STPG2: variants seen among roughly 807,000 people sequenced by gnomAD.
The protein encoded by STPG2 is sperm tail PG-rich repeat containing 2.
Under a neutral mutation model 54.2 loss-of-function variants are expected in STPG2, and 56 were observed. The observed-to-expected ratio is 1.03, with a 90% CI of 0.83 to 1.29. The LOEUF (loss-of-function observed/expected upper bound fraction) is 1.29, where lower values mean the gene tolerates loss of function less well. Among genes scored for constraint, STPG2 ranks in the 50% most tolerant of loss-of-function variants. The probability of loss-of-function intolerance (pLI) is 0.00; values close to 1 mark genes in which losing one functional copy is unlikely to be tolerated. For synonymous variants in STPG2, 200 were observed against 181.8 expected (o/e 1.10, Z -0.81); for missense variants, 596 against 544.9 (o/e 1.09, Z -0.93).
intron 9 of STPG2, among the ~76,000 whole-genome samples, chr4:97,722,095 G>GA (rs1205518616): frequency 1.6e-3 from 223 of 137,074 alleles, no homozygotes; most frequent in Non-Finnish European, 2.3e-3. Flanking sequence ...TCCAGGAGGG[G>GA]AAAAAAAAAA....
intron 4 of STPG2, among the ~76,000 whole-genome samples, chr4:97,445,706 T>C (rs1729204640): frequency 6.6e-6 from 1 of 152,218 alleles, no homozygotes; most frequent in African/African-American, 2.4e-5. Context: ...ATGGCATGAA[T>C]AAACTGATGG....
chr4:97,858,767 C>T (rs931956031), intron 8 of STPG2, among the ~76,000 whole-genome samples: 3 of 152,042 alleles, frequency 2.0e-5, no homozygotes, highest in Admixed American at 6.6e-5. Context: ...CCATGGTGTA[C>T]GTATACCACA....
chr4:97,875,912 G>C (rs1164989182), intron 8 of STPG2, among the ~76,000 whole-genome samples: 1 of 151,804 alleles, frequency 6.6e-6, no homozygotes, highest in Non-Finnish European at 1.5e-5. Flanking sequence ...ATATTAGAAA[G>C]AGAGTTACCA....
At chr4:98,108,690 C>A (rs1403633064) in intron 4 of STPG2, among the ~76,000 whole-genome samples, 1 of 152,126 alleles carries the variant, frequency 6.6e-6, no homozygotes, top group Non-Finnish European at 1.5e-5. Context: ...TTCAATTTAA[C>A]TTTAGCTCTG....
At chr4:97,672,554 A>G (rs1282054070) in intron 10 of STPG2, among the ~76,000 whole-genome samples, 3 of 152,178 alleles carry the variant, frequency 2.0e-5, no homozygotes, top group Non-Finnish European at 4.4e-5. Context: ...AATGCAAGCT[A>G]TTTATTAACA....
intron 7 of STPG2, among the ~76,000 whole-genome samples, chr4:97,944,959 A>G (rs1402256235): frequency 2.6e-5 from 4 of 152,224 alleles, no homozygotes; most frequent in African/African-American, 9.6e-5. Context: ...CACATCTTTT[A>G]AAAATGTGAA....
intron 4 of STPG2, among the ~76,000 whole-genome samples, chr4:97,442,270 C>T (rs1729107178): frequency 1.3e-5 from 2 of 151,194 alleles, no homozygotes; most frequent in African/African-American, 4.9e-5. Context: ...CATTTTCAAT[C>T]ATCCAATACT....
chr4:97,853,971 T>G (rs1729250175), intron 8 of STPG2, among the ~76,000 whole-genome samples: 1 of 151,880 alleles, frequency 6.6e-6, no homozygotes, highest in Non-Finnish European at 1.5e-5. Flanking sequence ...TGTGGGGAGT[T>G]TTGTGTGTTT....
chr4:97,565,607 T>G (rs1732408661), intron 10 of STPG2, among the ~76,000 whole-genome samples: 1 of 152,168 alleles, frequency 6.6e-6, no homozygotes, highest in Non-Finnish European at 1.5e-5. Flanking sequence ...ACAGATGGGT[T>G]TTTGGTGTGG....
chr4:97,571,010 C>T (rs1190148512), intron 10 of STPG2, among the ~76,000 whole-genome samples: 1 of 152,032 alleles, frequency 6.6e-6, no homozygotes, highest in Non-Finnish European at 1.5e-5. Flanking sequence ...AAACTTTCTA[C>T]TTTTGTTGCC....
In STPG2 at chr4:97,766,450, A is replaced by T. The variant is rs1274493332; in HGVS notation, c.1205-53636T>A. Reference sequence around the variant, plus strand: ...CCAAACATTATTCAAAAATAAAAATACTAATGAGTACACAAAGATTTATGA... The same window carrying T: ...CCAAACATTATTCAAAAATAAAAATTCTAATGAGTACACAAAGATTTATGA... On this transcript the variant is annotated intron_variant, in intron 9 of 10. Transcript: ENST00000295268. 2.0e-5 allele frequency among the ~76,000 whole-genome samples: 3 copies of T among 152,136 alleles called. No individual in the cohort carries two copies. The East Asian group carries it at 5.8e-4, about 29-fold the overall frequency.
chr4:98,071,153 C>G (rs1429137186), intron 5 of STPG2, among the ~76,000 whole-genome samples: 1 of 152,000 alleles, frequency 6.6e-6, no homozygotes, highest in Non-Finnish European at 1.5e-5. Context: ...ATCATGCTAC[C>G]CGACTTCAAA....
chr4:98,072,130 T>A (rs982494030), intron 5 of STPG2, among the ~76,000 whole-genome samples: 2 of 152,228 alleles, frequency 1.3e-5, no homozygotes, highest in East Asian at 1.9e-4. Context: ...GCAGCACTAT[T>A]CACAATAGCA....
chr4:97,725,932 A>C (rs1257738431), intron 9 of STPG2, among the ~76,000 whole-genome samples: 4 of 151,996 alleles, frequency 2.6e-5, no homozygotes, highest in Non-Finnish European at 5.9e-5. Context: ...AAAGGAAAAA[A>C]AAATCAAAAT....
chr4:98,135,512 C>T (rs1177521423), intron 1 of STPG2, among the ~76,000 whole-genome samples: 1 of 151,662 alleles, frequency 6.6e-6, no homozygotes, highest in Non-Finnish European at 1.5e-5. Context: ...ATCTCTAATG[C>T]CATAATGGAA....
chr4:97,559,620 T>C (rs1732171151), intron 10 of STPG2, among the ~76,000 whole-genome samples: 1 of 152,228 alleles, frequency 6.6e-6, no homozygotes, highest in East Asian at 1.9e-4. Context: ...TACTCTAAAG[T>C]ATGACTTCAC....
chr4:97,789,865 C>T (rs1368672103), intron 9 of STPG2, among the ~76,000 whole-genome samples: 1 of 152,118 alleles, frequency 6.6e-6, no homozygotes, highest in Non-Finnish European at 1.5e-5. Context: ...AGACAGCAAG[C>T]AATCTTTTCT....
At chr4:98,069,934 G>C (rs17027198) in intron 5 of STPG2, among the ~76,000 whole-genome samples, 60,159 of 151,640 alleles carry the variant, frequency 0.4, 12,225 homozygotes, top group Middle Eastern at 0.46. Context: ...CAGCAGCTCT[G>C]ATATAAAACG....
intron 5 of STPG2, among the ~76,000 whole-genome samples, chr4:98,056,145 T>C (rs1737476657): frequency 6.6e-6 from 1 of 152,116 alleles, no homozygotes; most frequent in African/African-American, 2.4e-5. Context: ...AGAGGAAGCC[T>C]TGGCAGGCAC....
Sources: gnomAD v4.1 joint callset for allele counts (sites outside exome capture counted in the v4.1 genomes callset) on GRCh38, gnomAD v4.1.1 for gene constraint, MANE v1.5 for transcripts, NCBI Gene and HGNC (gene_info 2026-07-23, HGNC 2026-07-21) for gene names.